The following LY75 variants were observed in gnomAD, a reference collection of about 807,000 sequenced individuals.
The protein encoded by LY75 is lymphocyte antigen 75, also known as C-type lectin domain family 13 member B.
LY75 carries 185 observed loss-of-function variants against 231.7 expected under a neutral mutation model. The observed-to-expected ratio is 0.80, with a 90% CI of 0.71 to 0.90. The LOEUF is 0.90. LY75 is among the 40% of genes least tolerant of loss of function. The pLI is 0.00. For synonymous variants in LY75, 668 were observed against 689.0 expected (o/e 0.97, Z 0.48); for missense variants, 1,947 against 2,050.2 (o/e 0.95, Z 0.97).
chr2:159,874,600 T>G (rs189555270), intron 12 of LY75, among the ~76,000 whole-genome samples: 2,234 of 44,704 alleles, frequency 0.05, 24 homozygotes, highest in African/African-American at 0.17. Context: ...TATATATAAA[T>G]ATATATATTT....
chr2:159,810,561 CTG>C lies in LY75; in HGVS notation c.4662_4663del (p.His1554GlnfsTer13), dbSNP rs758132846. ...ACACAATTTTTTGGCCTCTGAAAAA[CTG>C]TGCAATGCCTGATCAGACTTGTAAC... is the stretch of plus-strand genomic sequence containing the variant. On this transcript the variant is annotated frameshift_variant, in exon 32 of 35. Coordinates refer to ENST00000263636, the MANE Select transcript of LY75 (RefSeq NM_002349.4). LOFTEE classifies it high-confidence loss of function. 7 of 1,613,636 alleles carry C rather than the reference CTG, an allele frequency of 4.3e-6. No homozygotes were observed. In the East Asian group the frequency reaches 6.7e-5, roughly 15 times the overall value.
intron 7 of LY75, 112 bp downstream of exon 7, chr2:159,882,012 G>C (rs1370895297): frequency 1.6e-6 from 2 of 1,288,172 alleles, no homozygotes; most frequent in African/African-American, 3.0e-5. Flanking sequence ...CTATCTGACA[G>C]GGCTGATCTG....
In LY75 at chr2:159,832,775, C is replaced by T. The variant is rs146180308; in HGVS notation, c.3842-989G>A. ...TTTTTTGTTGGTTATTTTTTTCAAC[C>T]TTATTCTAAGGACTTTTTGCAGACC... is the stretch of plus-strand genomic sequence containing the variant. On this transcript the variant is annotated intron_variant, in intron 27 of 34. Coordinates refer to ENST00000263636, the MANE Select transcript of LY75 (RefSeq NM_002349.4). Among the ~76,000 whole-genome samples the T allele has an allele frequency of 1.8e-3, 278 of 152,164 alleles. 1 individual carries two copies. The highest frequency in any genetic ancestry group is 6.5e-3 in the African/African-American group (268 of 41,530).
chr2:159,882,230 A>T lies in LY75; in HGVS notation c.1140T>A (p.Asn380Lys). The T allele has an allele frequency of 1.2e-6, 2 of 1,614,036 alleles. No homozygotes were observed. The highest frequency in any genetic ancestry group is 1.1e-5 in the South Asian group (1 of 91,092). Reference sequence around the variant, plus strand: ...ATTTCGCATGTGCCTTATCCCAGGAATTACTTTCATTTACCAGCAGATAGC... The same window carrying T: ...ATTTCGCATGTGCCTTATCCCAGGATTTACTTTCATTTACCAGCAGATAGC... ...GFCYLLVNES[N>K]SWDKAHAKCK... Residue 380 changes from asparagine to lysine, a missense_variant, in exon 7 of 35, where the codon AAT (asparagine) becomes AAA (lysine). Physicochemically the swap from Asn to Lys is moderately conservative, Grantham distance 94. Transcript: ENST00000263636.
chr2:159,842,148 G>T, intron 24 of LY75, 97 bp downstream of exon 24: 1 of 1,424,182 alleles, frequency 7.0e-7, no homozygotes, highest in Non-Finnish European at 9.3e-7. Context: ...TTCAACCTAT[G>T]TTCCCCTCCC....
In LY75 at chr2:159,813,117, T is replaced by C. The variant is rs898061680; in HGVS notation, c.4549+2288A>G. 2.6e-5 allele frequency among the ~76,000 whole-genome samples: 4 copies of C among 152,362 alleles called. No individual in the cohort carries two copies. The South Asian group carries it at 6.2e-4, about 24-fold the overall frequency. On this transcript the variant is annotated intron_variant, in intron 31 of 34. Transcript: ENST00000263636. ...TTGGCTATTATGAATTATGCTGCTATGACATGGTTGTACAAACACCTGTTT... is the reference window on the plus strand; with the variant it reads ...TTGGCTATTATGAATTATGCTGCTACGACATGGTTGTACAAACACCTGTTT...
chr2:159,832,978 G>A (rs1336057020), intron 27 of LY75, among the ~76,000 whole-genome samples: 1 of 152,172 alleles, frequency 6.6e-6, no homozygotes, highest in Non-Finnish European at 1.5e-5. Flanking sequence ...AGCTGAAAAT[G>A]TGAAATGTGC....
chr2:159,827,370 A>G (rs541621568), intron 28 of LY75, among the ~76,000 whole-genome samples: 1 of 152,342 alleles, frequency 6.6e-6, no homozygotes, highest in Admixed American at 6.5e-5. Context: ...GCTCATCATC[A>G]CTCGTCATTA....
intron 23 of LY75, among the ~76,000 whole-genome samples, chr2:159,842,906 A>G (rs1684083090): frequency 6.6e-6 from 1 of 152,060 alleles, no homozygotes; most frequent in Non-Finnish European, 1.5e-5. Flanking sequence ...TGTTTGAAAC[A>G]TATCACACTT....
chr2:159,850,079 A>C lies in LY75; in HGVS notation c.3051T>G (p.Thr1017=). Residue 1017 remains threonine, a synonymous_variant, in exon 23 of 35, where the codon ACT becomes ACG. Transcript: ENST00000263636. ...TCCATTTGTTTATCTTTTCATAGGC[A>C]GTCCAGCGCAAACCAATCCATAAAG... ...EATLWIGLRW[T]AYEKINKWTD... 1 of 1,614,020 alleles carries C rather than the reference A, an allele frequency of 6.2e-7. No homozygotes were observed. Among genetic ancestry groups the C allele is most frequent in the African/African-American group, 1.3e-5 (1 of 75,056 alleles).
intron 18 of LY75, 67 bp downstream of exon 18, chr2:159,854,292 TG>T (rs749680431): frequency 1.5e-4 from 184 of 1,201,222 alleles, no homozygotes; most frequent in Non-Finnish European, 1.8e-4. Flanking sequence ...GCAAAATTTT[TG>T]TAATATTTTT....
At chr2:159,822,577 T>C (rs796829450) in intron 28 of LY75, among the ~76,000 whole-genome samples, 18 of 152,338 alleles carry the variant, frequency 1.2e-4, no homozygotes, top group African/African-American at 4.1e-4. Flanking sequence ...CTGATGGCTC[T>C]GAAGAGAGCA....
chr2:159,830,189 A>G (rs1683604964), intron 28 of LY75, among the ~76,000 whole-genome samples: 1 of 152,206 alleles, frequency 6.6e-6, no homozygotes, highest in South Asian at 2.1e-4. Flanking sequence ...TAAACATTTC[A>G]GGAAAACATT....
At chr2:159,807,990 A>G in intron 33 of LY75, 1 of 926,558 alleles carries the variant, frequency 1.1e-6, no homozygotes, top group South Asian at 5.0e-5. Context: ...ATTACTATTA[A>G]GACATAATTT....
intron 12 of LY75, among the ~76,000 whole-genome samples, chr2:159,873,308 C>T (rs931037103): frequency 2.0e-5 from 3 of 152,256 alleles, no homozygotes; most frequent in African/African-American, 7.2e-5. Flanking sequence ...GCGGAGTATA[C>T]GTCTTTGTAC....
chr2:159,811,496 G>A (rs1429455950), intron 31 of LY75, among the ~76,000 whole-genome samples: 1 of 152,180 alleles, frequency 6.6e-6, no homozygotes, highest in Non-Finnish European at 1.5e-5. Flanking sequence ...GTATTAGTGC[G>A]GTACAGCTTA....
chr2:159,872,504 G>C lies in LY75; in HGVS notation c.2064C>G (p.Phe688Leu). The stretch of plus-strand genomic sequence containing the variant: ...ATTCCTTTATTTCATCCACATGGCT[G>C]AAGCTAGAAAGGTGTGCTCCAAGGG... Reference protein sequence around the residue: ...CQALGAHLSSFSHVDEIKEFL... With the variant: ...CQALGAHLSSLSHVDEIKEFL... The change falls in exon 13 of 35, where the codon TTC (phenylalanine) becomes TTG (leucine). Residue 688 changes from phenylalanine (F) to leucine (L), a missense_variant. Phe to Leu is a conservative substitution (Grantham distance 22). Transcript: ENST00000263636. The C allele has an allele frequency of 1.2e-6, 2 of 1,613,984 alleles. No homozygotes were observed. Among genetic ancestry groups the C allele is most frequent in the Non-Finnish European group, 1.7e-6 (2 of 1,179,934 alleles).
intron 29 of LY75, 133 bp downstream of exon 29, chr2:159,819,593 A>G (rs1683225456): frequency 8.0e-6 from 9 of 1,119,124 alleles, no homozygotes; most frequent in African/African-American, 1.6e-5. Context: ...TCCTTCCTCG[A>G]TAACCTCTGT....
intron 29 of LY75, among the ~76,000 whole-genome samples, chr2:159,818,703 G>C (rs77023945): frequency 0.083 from 12,632 of 152,178 alleles, 684 homozygotes; most frequent in East Asian, 0.31. Context: ...CAACAGTAGG[G>C]GAAATTGATT....
Sources: allele counts gnomAD v4.1 joint callset (sites outside exome capture counted in the v4.1 genomes callset), GRCh38; gene constraint gnomAD v4.1.1; transcripts MANE v1.5; gene names NCBI Gene and HGNC (gene_info 2026-07-23, HGNC 2026-07-21).